The following FGF12 variants were observed in gnomAD, a reference collection of about 807,000 sequenced individuals.
The protein encoded by FGF12 is fibroblast growth factor 12B.
Under a neutral mutation model 23.6 loss-of-function variants are expected in FGF12, and 14 were observed. That is an observed-to-expected ratio of 0.59 (90% CI 0.39 to 0.93). FGF12 has a LOEUF of 0.93. Among genes scored for constraint, FGF12 ranks in the 40% least tolerant of loss-of-function variants. The pLI is 0.00. For missense variants in FGF12, 175 were observed against 217.8 expected (o/e 0.80, Z 1.24); for synonymous variants, 62 against 77.3 (o/e 0.80, Z 1.04).
At chr3:192,605,393 A>G (rs1199496353) in intron 2 of FGF12, among the ~76,000 whole-genome samples, 1 of 152,028 alleles carries the variant, frequency 6.6e-6, no homozygotes, top group East Asian at 1.9e-4. Context: ...AAAAAAAAAA[A>G]AAATCCTAGA....
intron 2 of FGF12, among the ~76,000 whole-genome samples, chr3:192,407,578 T>C (rs898712796): frequency 2.6e-5 from 4 of 152,078 alleles, no homozygotes; most frequent in African/African-American, 9.7e-5. Context: ...TTATGAGGGA[T>C]AAGGGAAGGG....
intron 4 of FGF12, among the ~76,000 whole-genome samples, chr3:192,210,467 T>C (rs1269303411): frequency 6.6e-6 from 1 of 152,142 alleles, no homozygotes; most frequent in East Asian, 1.9e-4. Flanking sequence ...GACCTGGTAA[T>C]ATATGGGGCT....
chr3:192,712,360 T>C (rs1338419942), intron 2 of FGF12, among the ~76,000 whole-genome samples: 1 of 151,518 alleles, frequency 6.6e-6, no homozygotes, highest in Non-Finnish European at 1.5e-5. Context: ...ATTAAAGAAT[T>C]AAAGAAAAAA....
intron 2 of FGF12, among the ~76,000 whole-genome samples, chr3:192,414,295 C>T (rs182857691): frequency 6.6e-6 from 1 of 152,256 alleles, no homozygotes; most frequent in East Asian, 1.9e-4. Flanking sequence ...TCTGTCATAT[C>T]GCCATTTTAT....
At chr3:192,678,093 A>G (rs1717391947) in intron 2 of FGF12, among the ~76,000 whole-genome samples, 1 of 152,176 alleles carries the variant, frequency 6.6e-6, no homozygotes, top group Non-Finnish European at 1.5e-5. Flanking sequence ...CACAACACTC[A>G]ATGACAAAAT....
At chr3:192,708,294 A>T (rs530054853) in intron 2 of FGF12, among the ~76,000 whole-genome samples, 3 of 152,286 alleles carry the variant, frequency 2.0e-5, no homozygotes, top group African/African-American at 7.2e-5. Context: ...CTAACAGCCT[A>T]GGGTGAGAGA....
intron 4 of FGF12, among the ~76,000 whole-genome samples, chr3:192,286,653 A>G (rs1001997420): frequency 6.6e-6 from 1 of 152,214 alleles, no homozygotes; most frequent in African/African-American, 2.4e-5. Context: ...TGAATGAAAA[A>G]GAAATCCTTT....
chr3:192,480,265 C>T (rs908384968), intron 2 of FGF12, among the ~76,000 whole-genome samples: 4 of 152,108 alleles, frequency 2.6e-5, no homozygotes, highest in Non-Finnish European at 4.4e-5. Context: ...TTCTTCTCAC[C>T]CTTGCCAACA....
chr3:192,606,052 A>AT (rs1714324793), intron 2 of FGF12, among the ~76,000 whole-genome samples: 1 of 152,206 alleles, frequency 6.6e-6, no homozygotes, highest in Admixed American at 6.5e-5. Context: ...TTATTCTACC[A>AT]AAAAGACCCA....
intron 4 of FGF12, among the ~76,000 whole-genome samples, chr3:192,269,354 A>T (rs1713281724): frequency 6.6e-6 from 1 of 152,172 alleles, no homozygotes; most frequent in Admixed American, 6.5e-5. Flanking sequence ...TTTAACCTGC[A>T]CTCAGTGTTA....
chr3:192,155,963 T>G lies in FGF12; in HGVS notation c.428-11836A>C, dbSNP rs550400320. 1.2e-3 allele frequency among the ~76,000 whole-genome samples: 185 copies of G among 152,370 alleles called. 1 individual carries two copies. The highest frequency in any genetic ancestry group is 9.3e-3 in the South Asian group (45 of 4,828). On this transcript the variant is annotated intron_variant, in intron 5 of 5. Transcript: ENST00000445105. ...TTGTAGTAGCTCGAAGTGCAATGTA[T>G]TTCAAGAGGGACTTTTTCCATCTCT...
chr3:192,303,735 G>A (rs998550702), intron 4 of FGF12, among the ~76,000 whole-genome samples: 4 of 152,152 alleles, frequency 2.6e-5, no homozygotes, highest in Non-Finnish European at 5.9e-5. Flanking sequence ...CATGTGTTCT[G>A]AGGCATGATA....
At chr3:192,254,737 A>C (rs1005733461) in intron 4 of FGF12, among the ~76,000 whole-genome samples, 1 of 152,178 alleles carries the variant, frequency 6.6e-6, no homozygotes, top group East Asian at 1.9e-4. Context: ...CTTACATAAC[A>C]ATGATGAGTT....
intron 2 of FGF12, among the ~76,000 whole-genome samples, chr3:192,709,000 A>C (rs1316781628): frequency 6.6e-6 from 1 of 152,236 alleles, no homozygotes; most frequent in African/African-American, 2.4e-5. Flanking sequence ...GAAACCATAC[A>C]TTTAACAGAA....
chr3:192,200,131 A>T (rs1717287030), intron 4 of FGF12, among the ~76,000 whole-genome samples: 1 of 151,762 alleles, frequency 6.6e-6, no homozygotes, highest in South Asian at 2.1e-4. Flanking sequence ...AGCCTGGGCA[A>T]CATGGTGAAA....
chr3:192,707,744 C>CA (rs780175053), intron 2 of FGF12, among the ~76,000 whole-genome samples: 117 of 84,824 alleles, frequency 1.4e-3, no homozygotes, highest in South Asian at 3.4e-3. Flanking sequence ...GACTCCTTCT[C>CA]AAAAAAAAAA....
chr3:192,176,106 C>T (rs976547043), intron 4 of FGF12, among the ~76,000 whole-genome samples: 19 of 152,108 alleles, frequency 1.2e-4, no homozygotes, highest in African/African-American at 3.9e-4. Flanking sequence ...TTAATGAATA[C>T]TTGGATAAAA....
intron 2 of FGF12, among the ~76,000 whole-genome samples, chr3:192,559,610 C>T (rs574857397): frequency 9.2e-5 from 14 of 151,836 alleles, no homozygotes; most frequent in African/African-American, 2.7e-4. Flanking sequence ...CAAACCTGCA[C>T]ATTGTGCACA....
intron 4 of FGF12, among the ~76,000 whole-genome samples, chr3:192,284,801 G>A (rs1714353867): frequency 6.6e-6 from 1 of 151,988 alleles, no homozygotes. Context: ...TCAACAGGCT[G>A]GAAGTGTTGA....
Sources: gnomAD v4.1 joint callset for allele counts (sites outside exome capture counted in the v4.1 genomes callset) on GRCh38, gnomAD v4.1.1 for gene constraint, MANE v1.5 for transcripts, NCBI Gene and HGNC (gene_info 2026-07-23, HGNC 2026-07-21) for gene names.